DDX60: variants seen among roughly 807,000 people sequenced by gnomAD.
The protein encoded by DDX60 is DExD/H-box helicase 60.
Under a neutral mutation model 212.8 loss-of-function variants are expected in DDX60, and 165 were observed. The observed-to-expected ratio is 0.78, with a 90% CI of 0.68 to 0.88. DDX60 has a LOEUF of 0.88. Among genes scored for constraint, DDX60 ranks in the 40% least tolerant of loss-of-function variants. The probability of loss-of-function intolerance (pLI) is 0.00; values close to 1 mark genes in which losing one functional copy is unlikely to be tolerated. For synonymous variants in DDX60, 703 were observed against 685.3 expected (o/e 1.03, Z -0.40); for missense variants, 1,905 against 2,003.9 (o/e 0.95, Z 0.94).
At chr4:168,226,922 G>A (rs1578969841) in intron 33 of DDX60, among the ~76,000 whole-genome samples, 1 of 152,052 alleles carries the variant, frequency 6.6e-6, no homozygotes, top group East Asian at 1.9e-4. Context: ...TGTTTAATGG[G>A]TACCAAAAAA....
At position 168,268,886 on chromosome 4, in the gene DDX60, T is replaced by A; in HGVS notation, c.2754A>T (p.Ser918=). 7 of 1,595,992 alleles carry A rather than the reference T, an allele frequency of 4.4e-6. No homozygotes were observed. Among genetic ancestry groups the A allele is most frequent in the Non-Finnish European group, 6.0e-6 (7 of 1,169,042 alleles). Residue 918 remains serine (S), a synonymous_variant, in exon 20 of 38, where the codon TCA becomes TCT. Transcript: ENST00000393743. ...GATGTTCAGGATTACTTATGGTAGCTGAAAGAGCCAAAAAGGGACATCGGA... is the reference window on the plus strand; with the variant it reads ...GATGTTCAGGATTACTTATGGTAGCAGAAAGAGCCAAAAAGGGACATCGGA... ...VMIRCPFLAL[S]ATISNPEHLT... is the part of the protein sequence containing the mutation.
At chr4:168,292,049 C>CTTTCTTTCCTTTTTT (rs58664687) in intron 7 of DDX60, 143 bp from the exon 8 acceptor site, 9 of 303,592 alleles carry the variant, frequency 3.0e-5, no homozygotes, top group African/African-American at 2.6e-4. Context: ...TTCTTTCTTT[C>CTTTCTTTCCTTTTTT]TTTTTTTTTT....
chr4:168,219,487 A>G (rs1171986192), intron 37 of DDX60, among the ~76,000 whole-genome samples: 1 of 152,080 alleles, frequency 6.6e-6, no homozygotes, highest in Non-Finnish European at 1.5e-5. Flanking sequence ...TTCAGTAACT[A>G]TGAGCCACTC....
In DDX60 at chr4:168,268,026, C is replaced by T. The variant is rs1005160456; in HGVS notation, c.2787-43G>A. ...CATATTATTTAGGCAGAACATGGAA[C>T]TACTTCCTGTGAAATTAAGTAGTTT... On this transcript the variant is annotated intron_variant, in intron 20 of 37. Coordinates refer to ENST00000393743, the MANE Select transcript of DDX60 (RefSeq NM_017631.6). 3.9e-6 allele frequency: 6 copies of T among 1,527,770 alleles called. No homozygotes were observed. The African/African-American group carries it at 5.6e-5, about 14-fold the overall frequency. 94.6% of individuals were successfully genotyped at this position (1,527,770 alleles called of 1,614,324 possible). A position where few individuals can be genotyped will look rare whatever the true frequency, so the allele number is the denominator to read the frequency against.
intron 1 of DDX60, among the ~76,000 whole-genome samples, chr4:168,317,626 C>A (rs185734346): frequency 1.3e-5 from 2 of 152,222 alleles, no homozygotes; most frequent in Admixed American, 1.3e-4. Flanking sequence ...ATAACCCTCT[C>A]CCCTTGAGTG....
intron 31 of DDX60, 120 bp from the exon 32 acceptor site, chr4:168,237,547 G>A (rs944052445): frequency 8.5e-6 from 10 of 1,180,064 alleles, no homozygotes; most frequent in Non-Finnish European, 1.2e-5. Context: ...AACTATTACT[G>A]GGCCCAACTT....
At position 168,248,219 on chromosome 4, in the gene DDX60, G is replaced by A. The variant is rs1734089053; in HGVS notation, c.3932C>T (p.Ser1311Leu). 1 of 1,611,002 alleles carries A rather than the reference G, an allele frequency of 6.2e-7. No homozygotes were observed. Among genetic ancestry groups the A allele is most frequent in the Non-Finnish European group, 8.5e-7 (1 of 1,178,964 alleles). Residue 1311 changes from serine (S) to leucine (L), a missense_variant, in exon 29 of 38, where the codon TCA becomes TTA. Ser to Leu is a moderately radical substitution (Grantham distance 145). Transcript: ENST00000393743. The part of the protein sequence containing the change: ...PCKSVVFAQN[S>L]VYLDALNYRQ... ...ATAATTCAACGCATCCAGATAGACT[G>A]AGTTTTGAGCAAAAACCACAGATTT...
chr4:168,261,432 G>A (rs1247473144), intron 24 of DDX60, among the ~76,000 whole-genome samples: 1 of 151,896 alleles, frequency 6.6e-6, no homozygotes, highest in Non-Finnish European at 1.5e-5. Context: ...GTAGATTAAG[G>A]TATTACAACA....
chr4:168,224,742 C>T (rs1418356523), intron 34 of DDX60, among the ~76,000 whole-genome samples: 3 of 151,936 alleles, frequency 2.0e-5, no homozygotes. Context: ...CAGAATCTTT[C>T]CTGAAACCAT....
intron 22 of DDX60, 144 bp from the exon 23 acceptor site, chr4:168,262,931 A>AT: frequency 2.2e-6 from 1 of 457,350 alleles, no homozygotes. Flanking sequence ...ATGCTACCAA[A>AT]TTCTATCAAC....
chr4:168,285,358 A>G, intron 11 of DDX60, 35 bp downstream of exon 11: 1 of 1,219,576 alleles, frequency 8.2e-7, no homozygotes. Context: ...TATTCCACAC[A>G]AGTATTTATT....
rs1343576103 is a variant in DDX60, at chr4:168,237,785, A to G, written c.4175T>C (p.Val1392Ala). The change falls in exon 31 of 38, where the codon GTG becomes GCG. Residue 1392 changes from valine to alanine, a missense_variant. Transcript: ENST00000393743. ...GAAGGACAGCAATGAATGCTTTAGC[A>G]CTGATAGCACCTTTAAAGAAAAGAG... ...PEDAKAKVLS[V>A]LKHSLLSFKQ... 1 of 1,605,874 alleles carries G rather than the reference A, an allele frequency of 6.2e-7. No individual in the cohort carries two copies. Among genetic ancestry groups the G allele is most frequent in the African/African-American group, 1.3e-5 (1 of 74,630 alleles).
chr4:168,251,810 C>G (rs1040273105), intron 27 of DDX60, among the ~76,000 whole-genome samples: 1 of 152,042 alleles, frequency 6.6e-6, no homozygotes, highest in Non-Finnish European at 1.5e-5. Flanking sequence ...TACACACATA[C>G]GCAAAATGTA....
At chr4:168,325,757 A>G in the DDX60 span, among the ~76,000 whole-genome samples, 91 of 152,354 alleles carry the variant, frequency 6.0e-4, 1 homozygote, top group East Asian at 0.012. Context: ...TGGCCAACAG[A>G]TACACAACAG....
At chr4:168,221,407 T>C (rs1484911381) in intron 36 of DDX60, among the ~76,000 whole-genome samples, 1 of 152,172 alleles carries the variant, frequency 6.6e-6, no homozygotes, top group Admixed American at 6.6e-5. Context: ...TTTTAAAATA[T>C]CTAATAATGA....
At chr4:168,279,069 T>C (rs575596815) in intron 14 of DDX60, among the ~76,000 whole-genome samples, 3 of 152,214 alleles carry the variant, frequency 2.0e-5, no homozygotes, top group South Asian at 2.1e-4. Context: ...AGAGTAACCC[T>C]GGTACTAGGT....
intron 12 of DDX60, 91 bp from the exon 13 acceptor site, chr4:168,283,697 A>T: frequency 3.5e-6 from 3 of 867,562 alleles, no homozygotes; most frequent in Non-Finnish European, 5.1e-6. Context: ...TCCAGTAGTT[A>T]AATTAGTGGA....
chr4:168,248,551 A>G (rs1037930483), intron 28 of DDX60, among the ~76,000 whole-genome samples: 3 of 152,166 alleles, frequency 2.0e-5, no homozygotes, highest in African/African-American at 7.2e-5. Flanking sequence ...CTCAAATGTC[A>G]CAGAGGAATC....
chr4:168,217,427 C>T (rs938871784), intron 37 of DDX60, among the ~76,000 whole-genome samples: 4 of 152,016 alleles, frequency 2.6e-5, no homozygotes, highest in Non-Finnish European at 4.4e-5. Context: ...GCTACATCTA[C>T]GAAGAGGAAA....
Sources: gnomAD v4.1 joint callset for allele counts (sites outside exome capture counted in the v4.1 genomes callset) on GRCh38, gnomAD v4.1.1 for gene constraint, MANE v1.5 for transcripts, NCBI Gene and HGNC (gene_info 2026-07-23, HGNC 2026-07-21) for gene names.